Variants in ZMAT4 observed in about 807,000 individuals in gnomAD.
ZMAT4 encodes the protein zinc finger matrin-type 4.
ZMAT4 carries 17 observed loss-of-function variants against 28.7 expected under a neutral mutation model. That is an observed-to-expected ratio of 0.59 (90% confidence interval 0.41 to 0.89). The LOEUF (loss-of-function observed/expected upper bound fraction) is 0.89. Ranked by LOEUF, ZMAT4 falls within the 40% of genes least tolerant of loss-of-function variation. The pLI, the probability that ZMAT4 is intolerant of heterozygous loss-of-function variation, is 0.00. For missense variants in ZMAT4, 240 were observed against 283.8 expected (o/e 0.85, Z 1.11); for synonymous variants, 117 against 109.2 (o/e 1.07, Z -0.44).
rs1386797375 is a variant in ZMAT4, at chr8:40,782,463, A to C, written c.103-14733T>G. ...AAAGACAACACACAGAATGGGAGAA[A>C]TATTTTCAAATCATGTATCTGTTAA... On this transcript the variant is annotated intron_variant, in intron 2 of 6. Coordinates refer to ENST00000297737, the MANE Select transcript of ZMAT4 (RefSeq NM_024645.3). Among the ~76,000 whole-genome samples the C allele has an allele frequency of 2.6e-5, 4 of 152,208 alleles. 1 individual carries two copies. In the East Asian group the frequency reaches 5.8e-4, roughly 22 times the overall value.
intron 1 of ZMAT4, among the ~76,000 whole-genome samples, chr8:40,836,891 A>G: frequency 6.6e-6 from 1 of 152,298 alleles, no homozygotes; most frequent in South Asian, 2.1e-4. Flanking sequence ...GATGTTAGTG[A>G]TAGTGAGATG....
intron 3 of ZMAT4, among the ~76,000 whole-genome samples, chr8:40,756,764 A>G (rs573524047): frequency 1.9e-4 from 29 of 151,994 alleles, no homozygotes; most frequent in African/African-American, 7.0e-4. Context: ...ATACAAGATT[A>G]GCTTCCTGTG....
chr8:40,870,922 C>T (rs902520988), intron 1 of ZMAT4, among the ~76,000 whole-genome samples: 2 of 152,154 alleles, frequency 1.3e-5, no homozygotes, highest in African/African-American at 4.8e-5. Context: ...GGGTCACTTG[C>T]CCATTTTGCA....
chr8:40,811,848 G>A (rs904698966), intron 2 of ZMAT4, among the ~76,000 whole-genome samples: 28 of 152,024 alleles, frequency 1.8e-4, no homozygotes, highest in Admixed American at 1.4e-3. Flanking sequence ...AATACATGCC[G>A]GACCAGGCAC....
intron 5 of ZMAT4, among the ~76,000 whole-genome samples, chr8:40,597,529 G>A (rs1805146498): frequency 6.6e-6 from 1 of 152,158 alleles, no homozygotes; most frequent in Non-Finnish European, 1.5e-5. Context: ...GAGTGCTCCA[G>A]CTAAACTGCA....
chr8:40,792,163 G>A lies in ZMAT4; in HGVS notation c.103-24433C>T, dbSNP rs1333737246. On this transcript the variant is annotated intron_variant, in intron 2 of 6. Transcript: ENST00000297737. Reference sequence around the variant, plus strand: ...CAATATTCTACATTTCTGTATGTGAGCTATATACTGTGAGCATATGCTGTG... The same window carrying A: ...CAATATTCTACATTTCTGTATGTGAACTATATACTGTGAGCATATGCTGTG... Among the ~76,000 whole-genome samples the A allele has an allele frequency of 2.0e-5, 3 of 152,160 alleles. No individual in the cohort carries two copies. In the East Asian group the frequency reaches 5.8e-4, roughly 30 times the overall value.
At chr8:40,786,344 C>T (rs147861440) in intron 2 of ZMAT4, among the ~76,000 whole-genome samples, 3 of 151,918 alleles carry the variant, frequency 2.0e-5, no homozygotes, top group African/African-American at 7.2e-5. Flanking sequence ...TAGATTAAAC[C>T]AATTCTACCA....
chr8:40,792,216 T>G (rs1296857740), intron 2 of ZMAT4, among the ~76,000 whole-genome samples: 2 of 152,100 alleles, frequency 1.3e-5, no homozygotes, highest in African/African-American at 4.8e-5. Context: ...ACTATTTTTG[T>G]ATGTGAAAAA....
intron 2 of ZMAT4, among the ~76,000 whole-genome samples, chr8:40,772,095 G>A (rs1813411139): frequency 6.6e-6 from 1 of 152,200 alleles, no homozygotes; most frequent in African/African-American, 2.4e-5. Context: ...TACACTGAGA[G>A]TCAATCCCAG....
chr8:40,683,634 T>C, intron 4 of ZMAT4, among the ~76,000 whole-genome samples: 1 of 152,186 alleles, frequency 6.6e-6, no homozygotes, highest in East Asian at 1.9e-4. Context: ...AATCATTCAC[T>C]GAGAAACAAG....
At chr8:40,767,505 G>A (rs1198212126) in intron 3 of ZMAT4, 136 bp downstream of exon 3, 4 of 691,008 alleles carry the variant, frequency 5.8e-6, no homozygotes, top group Non-Finnish European at 7.0e-6. Context: ...CATAGTACCT[G>A]TAATATTTAG....
chr8:40,574,315 C>T (rs955965100), intron 6 of ZMAT4, among the ~76,000 whole-genome samples: 4 of 151,842 alleles, frequency 2.6e-5, no homozygotes, highest in African/African-American at 9.7e-5. Flanking sequence ...AAAGTTGATA[C>T]AAAGGGCCAA....
At chr8:40,682,040 A>G (rs561739342) in intron 4 of ZMAT4, among the ~76,000 whole-genome samples, 2 of 152,236 alleles carry the variant, frequency 1.3e-5, no homozygotes, top group Admixed American at 6.5e-5. Context: ...TACTATTACT[A>G]TATATATGTA....
At chr8:40,815,831 A>G (rs923625016) in intron 2 of ZMAT4, among the ~76,000 whole-genome samples, 1 of 152,226 alleles carries the variant, frequency 6.6e-6, no homozygotes, top group Non-Finnish European at 1.5e-5. Flanking sequence ...CTTTTAGACA[A>G]ACAGCACATT....
chr8:40,772,400 A>G (rs1813421580), intron 2 of ZMAT4, among the ~76,000 whole-genome samples: 1 of 152,248 alleles, frequency 6.6e-6, no homozygotes, highest in South Asian at 2.1e-4. Flanking sequence ...TATTGCTGTG[A>G]AAGAAGGAGG....
intron 3 of ZMAT4, among the ~76,000 whole-genome samples, chr8:40,744,980 C>T (rs1318281046): frequency 6.6e-6 from 1 of 152,130 alleles, no homozygotes; most frequent in East Asian, 1.9e-4. Context: ...AGCACAATTT[C>T]TAGGCTGAAT....
intron 1 of ZMAT4, among the ~76,000 whole-genome samples, chr8:40,848,001 G>A (rs1239404282): frequency 6.6e-6 from 1 of 152,194 alleles, no homozygotes. Context: ...CAGGGACCAG[G>A]CTGCCTTCTG....
At chr8:40,879,703 A>G (rs1184846775) in intron 1 of ZMAT4, among the ~76,000 whole-genome samples, 1 of 152,266 alleles carries the variant, frequency 6.6e-6, no homozygotes, top group Non-Finnish European at 1.5e-5. Context: ...AAAAAAATAT[A>G]TAAAGAAGAA....
At chr8:40,798,692 A>G (rs1814694819) in intron 2 of ZMAT4, among the ~76,000 whole-genome samples, 1 of 152,220 alleles carries the variant, frequency 6.6e-6, no homozygotes, top group African/African-American at 2.4e-5. Flanking sequence ...GCTTTCCCAG[A>G]GCAGCACTCG....
Sources: gnomAD v4.1 joint callset for allele counts (sites outside exome capture counted in the v4.1 genomes callset) on GRCh38, gnomAD v4.1.1 for gene constraint, MANE v1.5 for transcripts, NCBI Gene and HGNC (gene_info 2026-07-23, HGNC 2026-07-21) for gene names.